Variants in MSR1 observed in about 807,000 individuals in gnomAD.
The protein encoded by MSR1 is macrophage scavenger receptor 1, also known as macrophage scavenger receptor types I and II.
Under a neutral mutation model 47.2 loss-of-function variants are expected in MSR1, and 53 were observed. The ratio of observed to expected loss-of-function variants is 1.12; its 90% CI spans 0.90 to 1.41. The LOEUF is 1.41. Among genes scored for constraint, MSR1 ranks in the 40% most tolerant of loss-of-function variants. The pLI, the probability that MSR1 is intolerant of heterozygous loss-of-function variation, is 0.00. For synonymous variants in MSR1, 239 were observed against 185.6 expected, an observed-to-expected ratio of 1.29 and a Z score of -2.34; for missense variants, 786 against 546.9, an observed-to-expected ratio of 1.44 and a Z score of -4.36.
intron 7 of MSR1, among the ~76,000 whole-genome samples, chr8:16,145,667 AC>A: frequency 6.6e-6 from 1 of 152,264 alleles, no homozygotes; most frequent in African/African-American, 2.4e-5. Context: ...TACCACTGTG[AC>A]TTTTCCTTTT....
In MSR1 at chr8:16,140,945, G is replaced by A. The variant is rs1800540252; in HGVS notation, c.1033+2613C>T. The stretch of plus-strand genomic sequence containing the variant: ...AGTTGTGCAGATGACTTGTCCAGAG[G>A]TGAAGGGCCTTTTAATGAGATGGTA... On this transcript the variant is annotated intron_variant, in intron 8 of 9. Coordinates refer to ENST00000262101, the MANE Select transcript of MSR1 (RefSeq NM_138715.3). 14 of 1,613,682 alleles carry A rather than the reference G, an allele frequency of 8.7e-6. 1 individual carries two copies. In the South Asian group the frequency reaches 1.1e-4, roughly 13 times the overall value.
chr8:16,168,379 C>A, intron 4 of MSR1, 79 bp downstream of exon 4: 1 of 1,492,930 alleles, frequency 6.7e-7, no homozygotes, highest in Non-Finnish European at 9.3e-7. Flanking sequence ...GCAACTTTTG[C>A]TTTCCTGTAC....
In MSR1 at chr8:16,160,367, G is replaced by T. The variant is rs564404051; in HGVS notation, c.817+3698C>A. Among the ~76,000 whole-genome samples the T allele has an allele frequency of 3.9e-5, 6 of 152,148 alleles. No individual in the cohort carries two copies. The East Asian group carries it at 5.8e-4, about 15-fold the overall frequency. ...CAGGAAGAATGACACTGCTATTATA[G>T]AGTGTAACTTGCTAAGACAAAAGTC... On this transcript the variant is annotated intron_variant, in intron 5 of 9. Coordinates refer to ENST00000262101, the MANE Select transcript of MSR1 (RefSeq NM_138715.3).
At chr8:16,137,856 G>C (rs530260973) in intron 8 of MSR1, among the ~76,000 whole-genome samples, 4 of 152,012 alleles carry the variant, frequency 2.6e-5, no homozygotes, top group African/African-American at 9.6e-5. Flanking sequence ...GCCAAGCATG[G>C]TGGTGTGTGC....
chr8:16,154,407 T>C (rs1490163274), intron 6 of MSR1, among the ~76,000 whole-genome samples: 1 of 152,032 alleles, frequency 6.6e-6, no homozygotes, highest in Admixed American at 6.6e-5. Flanking sequence ...TTCTGTGTCT[T>C]CTTTCAAAAT....
intron 5 of MSR1, among the ~76,000 whole-genome samples, chr8:16,163,305 A>AT (rs36072877): frequency 0.06 from 9,167 of 151,956 alleles, 835 homozygotes; most frequent in African/African-American, 0.19. Context: ...CAGATTGTAT[A>AT]TTTTTTTAAA....
chr8:16,183,535 A>G (rs2117226607), intron 1 of MSR1, among the ~76,000 whole-genome samples: 1 of 146,164 alleles, frequency 6.8e-6, no homozygotes, highest in South Asian at 2.1e-4. Context: ...AACATGTAAT[A>G]CATATTTATA....
chr8:16,122,075 T>C (rs1299929426), intron 8 of MSR1, among the ~76,000 whole-genome samples: 1 of 152,102 alleles, frequency 6.6e-6, no homozygotes, highest in Admixed American at 6.6e-5. Context: ...TATATAATTA[T>C]AATTATTCTC....
intron 8 of MSR1, among the ~76,000 whole-genome samples, chr8:16,137,448 A>G (rs1402996384): frequency 6.6e-6 from 1 of 151,768 alleles, no homozygotes; most frequent in Admixed American, 6.6e-5. Context: ...CTCTCTATCT[A>G]TCTCTTTCTC....
At chr8:16,184,664 G>A (rs1387648409) in intron 1 of MSR1, among the ~76,000 whole-genome samples, 5 of 152,128 alleles carry the variant, frequency 3.3e-5, no homozygotes, top group Non-Finnish European at 5.9e-5. Context: ...TTTATTGTTT[G>A]CTTTGGCAGT....
chr8:16,178,908 A>T (rs751282613), intron 1 of MSR1, among the ~76,000 whole-genome samples: 35 of 152,192 alleles, frequency 2.3e-4, no homozygotes, highest in Non-Finnish European at 2.9e-5. Context: ...CTATGACACA[A>T]TCTGTAATAA....
chr8:16,125,085 T>G (rs80015865), intron 8 of MSR1, among the ~76,000 whole-genome samples: 6,735 of 152,122 alleles, frequency 0.044, 245 homozygotes, highest in East Asian at 0.12. Flanking sequence ...AAATACGAGC[T>G]TTTGGTGGGA....
chr8:16,110,998 A>C lies in MSR1; in HGVS notation c.1223-780T>G, dbSNP rs572683840. On this transcript the variant is annotated intron_variant, in intron 9 of 9. Transcript: ENST00000262101. ...TAAGGCAGAAGAAGGAAAAGAAAAA[A>C]GGAATATGATCTCAAAATCAGAAAC... Among the ~76,000 whole-genome samples the C allele has an allele frequency of 4.6e-5, 7 of 152,262 alleles. No individual in the cohort carries two copies. In the East Asian group the frequency reaches 1.4e-3, roughly 29 times the overall value.
chr8:16,112,729 A>T (rs936667594), intron 9 of MSR1, among the ~76,000 whole-genome samples: 2 of 151,380 alleles, frequency 1.3e-5, no homozygotes, highest in African/African-American at 2.4e-5. Context: ...CACTGTTATT[A>T]TTTTTTTTGT....
At chr8:16,138,899 C>T (rs1303383106) in intron 8 of MSR1, among the ~76,000 whole-genome samples, 2 of 152,138 alleles carry the variant, frequency 1.3e-5, no homozygotes, top group Non-Finnish European at 2.9e-5. Context: ...CCATTGACAA[C>T]TCTAACTTGT....
At chr8:16,114,266 T>A (rs145942322) in intron 9 of MSR1, among the ~76,000 whole-genome samples, 1 of 152,200 alleles carries the variant, frequency 6.6e-6, no homozygotes, top group Non-Finnish European at 1.5e-5. Flanking sequence ...GAAAATTGAT[T>A]ATGGTATGTA....
chr8:16,189,225 A>G (rs1290451345), intron 1 of MSR1, among the ~76,000 whole-genome samples: 1 of 141,086 alleles, frequency 7.1e-6, no homozygotes, highest in Non-Finnish European at 1.5e-5. Context: ...CATATATGTA[A>G]AATCTTATTT....
intron 8 of MSR1, among the ~76,000 whole-genome samples, chr8:16,131,809 T>G (rs1800267065): frequency 6.6e-6 from 1 of 152,092 alleles, no homozygotes; most frequent in Admixed American, 6.6e-5. Flanking sequence ...TGGCAATGTT[T>G]CTGGGTTCTC....
At chr8:16,179,375 G>A (rs1370221897) in intron 1 of MSR1, among the ~76,000 whole-genome samples, 1 of 152,124 alleles carries the variant, frequency 6.6e-6, no homozygotes, top group East Asian at 1.9e-4. Context: ...AAATCCATTA[G>A]AGAACATAGT....
Sources: gnomAD v4.1 joint callset for allele counts (sites outside exome capture counted in the v4.1 genomes callset) on GRCh38, gnomAD v4.1.1 for gene constraint, MANE v1.5 for transcripts, NCBI Gene and HGNC (gene_info 2026-07-23, HGNC 2026-07-21) for gene names.